The following MACF1 variants were observed in gnomAD, a reference collection of about 807,000 sequenced individuals.
The protein encoded by MACF1 is microtubule actin crosslinking factor 1.
Under a neutral mutation model 854.8 loss-of-function variants are expected in MACF1, and 193 were observed. The observed-to-expected ratio is 0.23, with a 90% CI of 0.20 to 0.25. The LOEUF (loss-of-function observed/expected upper bound fraction) is 0.25. Ranked by LOEUF, MACF1 falls within the 10% of genes least tolerant of loss-of-function variation. MACF1 has a pLI of 1.00. For missense variants in MACF1, 7,722 were observed against 8,929.1 expected, an observed-to-expected ratio of 0.86 and a Z score of 5.45; for synonymous variants, 3,185 against 3,226.7, an observed-to-expected ratio of 0.99 and a Z score of 0.44.
intron 6 of MACF1, among the ~76,000 whole-genome samples, chr1:39,262,169 A>G (rs980089118): frequency 6.6e-6 from 1 of 152,152 alleles, no homozygotes; most frequent in Non-Finnish European, 1.5e-5. Context: ...CGGGAGGCCT[A>G]GGTGGGCAGA....
intron 1 of MACF1, among the ~76,000 whole-genome samples, chr1:39,220,712 G>A (rs770456702): frequency 1.7e-4 from 25 of 147,452 alleles, no homozygotes; most frequent in African/African-American, 4.8e-4. Flanking sequence ...CTTGAACTCC[G>A]GACCTCAAGT....
At chr1:39,265,231 G>T (rs1196537444) in intron 6 of MACF1, among the ~76,000 whole-genome samples, 1 of 151,984 alleles carries the variant, frequency 6.6e-6, no homozygotes, top group Non-Finnish European at 1.5e-5. Context: ...TATAGATGAG[G>T]CACCATTTGT....
rs1489921118 is a variant in MACF1 at position 39,333,710 on chromosome 1, A to G, written c.7122A>G (p.Leu2374=). 3.1e-6 allele frequency: 5 copies of G among 1,614,230 alleles called. No homozygotes were observed. Among genetic ancestry groups the G allele is most frequent in the Non-Finnish European group, 4.2e-6 (5 of 1,180,034 alleles). Residue 2374 remains leucine, a synonymous_variant, in exon 37 of 101, where the codon TTA becomes TTG. Coordinates refer to ENST00000564288, the MANE Select transcript of MACF1 (RefSeq NM_001394062.1). ...LMADKAISGV[L]DPRTQTLCSV... ...CAGACAAAGCTATAAGTGGTGTCTT[A>G]GACCCCCGTACCCAGACACTGTGCT...
intron 2 of MACF1, among the ~76,000 whole-genome samples, chr1:39,175,513 C>T (rs1181585981): frequency 1.3e-5 from 2 of 152,166 alleles, no homozygotes; most frequent in African/African-American, 2.4e-5. Flanking sequence ...TGGTGTAAAA[C>T]CTCATTGAGT....
rs113872669 is a variant in MACF1, at chr1:39,388,670, C to A, written c.15816+12C>A. 156 of 1,527,890 alleles carry A rather than the reference C, an allele frequency of 1.0e-4. No homozygotes were observed. The African/African-American group carries it at 1.5e-3, about 15-fold the overall frequency. 94.6% of individuals were successfully genotyped at this position (1,527,890 alleles called of 1,614,324 possible). A position where few individuals can be genotyped will look rare whatever the true frequency, so the allele number is the denominator to read the frequency against. On this transcript the variant is annotated intron_variant, in intron 58 of 100. Coordinates refer to ENST00000564288, the MANE Select transcript of MACF1 (RefSeq NM_001394062.1). ...TAGCAGATTTTAAAGTAAGTCTGAACCTTGTTTTTCTTTTTCTTTTACATG... is the reference window on the plus strand; with the variant it reads ...TAGCAGATTTTAAAGTAAGTCTGAAACTTGTTTTTCTTTTTCTTTTACATG...
At chr1:39,356,717 C>G (rs1647611697) in intron 44 of MACF1, among the ~76,000 whole-genome samples, 1 of 152,128 alleles carries the variant, frequency 6.6e-6, no homozygotes, top group Non-Finnish European at 1.5e-5. Flanking sequence ...ATTCAGCTAC[C>G]CTTCCACTAA....
intron 89 of MACF1, 166 bp from the exon 90 acceptor site, chr1:39,458,204 A>G (rs1171527434): frequency 3.4e-6 from 2 of 595,706 alleles, no homozygotes; most frequent in Non-Finnish European, 5.9e-6. Context: ...TTTGGAGGGG[A>G]CAAATATCCA....
Position 39,385,823 on chromosome 1 carries a change from G to C in MACF1, c.14238G>C (p.Leu4746=). Residue 4746 remains leucine (L), a synonymous_variant, in exon 57 of 101, where the codon CTG becomes CTC. Coordinates refer to ENST00000564288, the MANE Select transcript of MACF1 (RefSeq NM_001394062.1). ...LDHEVKEAQT[L]CDELSVLIGE... is the part of the protein sequence containing the mutation. ...ACGAGGTTAAGGAGGCTCAGACACT[G>C]TGCGATGAACTCTCAGTGCTCATTG... is the stretch of plus-strand genomic sequence containing the variant. The C allele has an allele frequency of 6.2e-7, 1 of 1,614,196 alleles. No homozygotes were observed.
Position 39,486,934 on chromosome 1 carries a change from A to G in MACF1, c.*1140A>G, listed in dbSNP as rs1227523837. The G allele has an allele frequency of 6.6e-6, 1 of 152,638 alleles. No individual in the cohort carries two copies. Among genetic ancestry groups the G allele is most frequent in the East Asian group, 1.9e-4 (1 of 5,204 alleles). 9.5% of individuals were successfully genotyped at this position (152,638 alleles called of 1,614,324 possible). A position where few individuals can be genotyped will look rare whatever the true frequency, so the allele number is the denominator to read the frequency against. The stretch of plus-strand genomic sequence containing the variant: ...GCAGAAACTGAAGCTCTACCAATGA[A>G]CTGTTTAGAAACAAGACACACTTTT... On this transcript the variant is annotated 3_prime_UTR_variant, in exon 101 of 101. Coordinates refer to ENST00000564288, the MANE Select transcript of MACF1 (RefSeq NM_001394062.1).
intron 58 of MACF1, chr1:39,411,464 C>T (rs936102587): frequency 2.5e-6 from 4 of 1,613,786 alleles, no homozygotes; most frequent in African/African-American, 1.3e-5. Context: ...CCTGATGACC[C>T]ACAGCCAGCC....
chr1:39,115,334 T>C (rs568779593), intron 2 of MACF1, among the ~76,000 whole-genome samples: 1 of 151,956 alleles, frequency 6.6e-6, no homozygotes, highest in Non-Finnish European at 1.5e-5. Flanking sequence ...AATCAAGAAA[T>C]GTGAAGGGGT....
At chr1:39,413,925 T>C (rs1163336534) in intron 58 of MACF1, 1 of 1,604,928 alleles carries the variant, frequency 6.2e-7, no homozygotes, top group African/African-American at 1.4e-5. Context: ...CCCCGGCAGC[T>C]TCAGTGCCCA....
intron 2 of MACF1, among the ~76,000 whole-genome samples, chr1:39,189,741 G>A (rs1481975752): frequency 6.6e-6 from 1 of 152,100 alleles, no homozygotes; most frequent in Non-Finnish European, 1.5e-5. Flanking sequence ...CTGAATTTCT[G>A]AAGTTCCATT....
At chr1:39,096,537 C>G (rs894777944) in intron 2 of MACF1, among the ~76,000 whole-genome samples, 1 of 150,064 alleles carries the variant, frequency 6.7e-6, no homozygotes, top group Admixed American at 6.7e-5. Flanking sequence ...CGTAGTGAGT[C>G]GAGACTGCGC....
chr1:39,385,396 T>C lies in MACF1; in HGVS notation c.13849-38T>C. 1.9e-6 allele frequency: 3 copies of C among 1,600,582 alleles called. No homozygotes were observed. In the South Asian group the frequency reaches 3.4e-5, roughly 18 times the overall value. On this transcript the variant is annotated intron_variant, in intron 56 of 100. Transcript: ENST00000564288. Reference sequence around the variant, plus strand: ...CACTGCTTTTAGATAGATCTGTTTTTTTCCTGTCTAAACATCTTGGTGTCA... The same window carrying C: ...CACTGCTTTTAGATAGATCTGTTTTCTTCCTGTCTAAACATCTTGGTGTCA...
chr1:39,123,607 C>G (rs1370961736), intron 2 of MACF1, among the ~76,000 whole-genome samples: 3 of 151,350 alleles, frequency 2.0e-5, no homozygotes, highest in Non-Finnish European at 4.4e-5. Context: ...GGTGTGATGA[C>G]AGCTCACTGC....
chr1:39,306,684 G>A (rs985031317), intron 23 of MACF1, among the ~76,000 whole-genome samples: 4 of 147,454 alleles, frequency 2.7e-5, no homozygotes, highest in Admixed American at 1.4e-4. Flanking sequence ...GTGATACGTG[G>A]ACCCACTAAT....
At chr1:39,436,543 G>A in intron 70 of MACF1, 1 of 1,548,036 alleles carries the variant, frequency 6.5e-7, no homozygotes, top group Non-Finnish European at 8.9e-7. Context: ...GCTGAAAATT[G>A]AGGTCATTAC....
chr1:39,375,511 C>T (rs1199457956), intron 52 of MACF1, among the ~76,000 whole-genome samples: 1 of 152,164 alleles, frequency 6.6e-6, no homozygotes, highest in Non-Finnish European at 1.5e-5. Flanking sequence ...CTGTGTTAGC[C>T]AGGATGGTCT....
Sources: allele counts gnomAD v4.1 joint callset (sites outside exome capture counted in the v4.1 genomes callset), GRCh38; gene constraint gnomAD v4.1.1; transcripts MANE v1.5; gene names NCBI Gene and HGNC (gene_info 2026-07-23, HGNC 2026-07-21).